The following MYO1B variants were observed in gnomAD, a reference collection of about 807,000 sequenced individuals.
The protein encoded by MYO1B is myosin IB.
A neutral mutation model predicts 159.7 loss-of-function variants in MYO1B; 72 were observed. The ratio of observed to expected loss-of-function variants is 0.45; its 90% confidence interval spans 0.37 to 0.55. MYO1B has a LOEUF of 0.55. Ranked by LOEUF, MYO1B falls within the 20% of genes least tolerant of loss-of-function variation. The probability of loss-of-function intolerance (pLI) is 0.00; values close to 1 mark genes in which losing one functional copy is unlikely to be tolerated. For missense variants in MYO1B, 1,062 were observed against 1,364.8 expected, an observed-to-expected ratio of 0.78 and a Z score of 3.50; for synonymous variants, 468 against 473.8, an observed-to-expected ratio of 0.99 and a Z score of 0.16.
chr2:191,311,519 G>A (rs540464554), intron 3 of MYO1B, among the ~76,000 whole-genome samples: 4 of 152,132 alleles, frequency 2.6e-5, no homozygotes, highest in Non-Finnish European at 5.9e-5. Flanking sequence ...CTTTGCCTTC[G>A]AAAGACATAT....
intron 21 of MYO1B, among the ~76,000 whole-genome samples, chr2:191,399,119 A>C (rs1293061259): frequency 6.6e-6 from 1 of 152,118 alleles, no homozygotes; most frequent in Admixed American, 6.5e-5. Flanking sequence ...AACGAAAACC[A>C]GTCAGGCGTG....
At chr2:191,307,289 A>G (rs749142518) in intron 3 of MYO1B, among the ~76,000 whole-genome samples, 8 of 152,014 alleles carry the variant, frequency 5.3e-5, no homozygotes, top group Non-Finnish European at 1.0e-4. Flanking sequence ...GCATTTGTAA[A>G]CTGTCCTGGC....
At chr2:191,419,375 C>T (rs1398776097) in intron 30 of MYO1B, among the ~76,000 whole-genome samples, 1 of 151,994 alleles carries the variant, frequency 6.6e-6, no homozygotes, top group African/African-American at 2.4e-5. Context: ...CCCGCCACCA[C>T]GCCCGGCTAA....
At position 191,265,104 on chromosome 2, in the gene MYO1B, A is replaced by G. The variant is rs1687053946; in HGVS notation, c.-9-11783A>G. ...TCTGGAGGGATAATTTTCTTCCTTAACCTACAAACAAGAATAGTGCACTAA... is the reference window on the plus strand; with the variant it reads ...TCTGGAGGGATAATTTTCTTCCTTAGCCTACAAACAAGAATAGTGCACTAA... On this transcript the variant is annotated intron_variant, in intron 1 of 30. Transcript: ENST00000392318. Among the ~76,000 whole-genome samples, 3 of 152,034 alleles carry G rather than the reference A, an allele frequency of 2.0e-5. No homozygotes were observed. In the South Asian group the frequency reaches 6.2e-4, roughly 32 times the overall value.
chr2:191,281,340 T>C (rs1688047742), intron 2 of MYO1B, among the ~76,000 whole-genome samples: 1 of 152,182 alleles, frequency 6.6e-6, no homozygotes, highest in Non-Finnish European at 1.5e-5. Flanking sequence ...GGGGAAATGC[T>C]GAAGTGATGC....
intron 4 of MYO1B, among the ~76,000 whole-genome samples, chr2:191,338,573 A>G (rs1692005890): frequency 6.6e-6 from 1 of 152,134 alleles, no homozygotes. Flanking sequence ...CTGGCCATTA[A>G]AAAGGTCTCT....
chr2:191,351,896 A>C (rs1692949456), intron 7 of MYO1B, among the ~76,000 whole-genome samples: 1 of 152,152 alleles, frequency 6.6e-6, no homozygotes, highest in Admixed American at 6.6e-5. Context: ...AAAATAAATA[A>C]ATAAATAAAT....
chr2:191,299,259 A>G (rs1689162294), intron 3 of MYO1B, among the ~76,000 whole-genome samples: 1 of 152,200 alleles, frequency 6.6e-6, no homozygotes, highest in African/African-American at 2.4e-5. Context: ...CACGAGCACT[A>G]AAATAAAATA....
chr2:191,420,176 C>A (rs1697848737), intron 30 of MYO1B, among the ~76,000 whole-genome samples: 1 of 152,096 alleles, frequency 6.6e-6, no homozygotes, highest in Non-Finnish European at 1.5e-5. Context: ...GAACTCCAGC[C>A]TGGGAGACAG....
At chr2:191,418,732 G>A (rs1431289307) in intron 30 of MYO1B, among the ~76,000 whole-genome samples, 1 of 151,982 alleles carries the variant, frequency 6.6e-6, no homozygotes, top group Non-Finnish European at 1.5e-5. Flanking sequence ...CAGGTGATCC[G>A]CCCCCCTGGG....
At chr2:191,408,638 G>T (rs930287350) in intron 25 of MYO1B, among the ~76,000 whole-genome samples, 1 of 152,158 alleles carries the variant, frequency 6.6e-6, no homozygotes. Context: ...TGAACAGACT[G>T]CAAACTCTGG....
chr2:191,296,072 G>GTA (rs779084434), intron 2 of MYO1B, 39 bp from the exon 3 acceptor site: 5 of 1,207,464 alleles, frequency 4.1e-6, no homozygotes, highest in Middle Eastern at 2.0e-4. Context: ...TACATTTTGT[G>GTA]TACTAACTAA....
At chr2:191,423,758 T>C in intron 30 of MYO1B, 79 bp from the exon 31 acceptor site, 2 of 1,489,812 alleles carry the variant, frequency 1.3e-6, no homozygotes, top group South Asian at 2.8e-5. Context: ...TCAGTATCCA[T>C]TAAAATACAA....
At chr2:191,312,224 G>C (rs1241453051) in intron 3 of MYO1B, among the ~76,000 whole-genome samples, 2 of 152,204 alleles carry the variant, frequency 1.3e-5, no homozygotes, top group Non-Finnish European at 2.9e-5. Context: ...TTTGTAGCTA[G>C]TGATCAGTTA....
At chr2:191,401,207 G>A (rs142632306) in intron 23 of MYO1B, among the ~76,000 whole-genome samples, 256 of 152,038 alleles carry the variant, frequency 1.7e-3, no homozygotes, top group African/African-American at 6.1e-3. Context: ...TTCAAGTTTG[G>A]GCTTCAGTCG....
At chr2:191,354,410 C>T (rs899814471) in intron 7 of MYO1B, among the ~76,000 whole-genome samples, 4 of 151,942 alleles carry the variant, frequency 2.6e-5, no homozygotes, top group South Asian at 2.1e-4. Flanking sequence ...AAAATTTTGT[C>T]TGAATATTCT....
At chr2:191,332,355 AT>A (rs11289665) in intron 4 of MYO1B, among the ~76,000 whole-genome samples, 2,561 of 146,874 alleles carry the variant, frequency 0.017, 32 homozygotes, top group Middle Eastern at 0.029. Context: ...ATATTATAGG[AT>A]TTTTTTTTTT....
chr2:191,398,549 G>C (rs1696352107), intron 21 of MYO1B, among the ~76,000 whole-genome samples: 1 of 150,984 alleles, frequency 6.6e-6, no homozygotes, highest in South Asian at 2.1e-4. Context: ...TCACTTCTCA[G>C]ACGGGGCGGC....
chr2:191,258,593 T>C (rs1029191849), intron 1 of MYO1B, among the ~76,000 whole-genome samples: 1 of 152,238 alleles, frequency 6.6e-6, no homozygotes, highest in Non-Finnish European at 1.5e-5. Context: ...TGGTCTGTTG[T>C]TGACAGAAAC....
Sources: gnomAD v4.1 joint callset for allele counts (sites outside exome capture counted in the v4.1 genomes callset) on GRCh38, gnomAD v4.1.1 for gene constraint, MANE v1.5 for transcripts, NCBI Gene and HGNC (gene_info 2026-07-23, HGNC 2026-07-21) for gene names.